AP3D1: variants seen among roughly 807,000 people sequenced by gnomAD.
AP3D1 encodes AP-3 complex subunit delta-1.
AP3D1 carries 51 observed loss-of-function variants against 147.6 expected under a neutral mutation model. The ratio of observed to expected loss-of-function variants is 0.35; its 90% CI spans 0.28 to 0.44. The LOEUF is 0.44. Among genes scored for constraint, AP3D1 ranks in the 20% least tolerant of loss-of-function variants. AP3D1 has a pLI of 1.00. For synonymous variants in AP3D1, 760 were observed against 663.0 expected (o/e 1.15, Z -2.25); for missense variants, 1,421 against 1,624.2 (o/e 0.87, Z 2.15).
In AP3D1 at chr19:2,111,068, G is replaced by A. The variant is rs979386577; in HGVS notation, c.2986-172C>T. ...AGCGCCTCCTATGGCTGCTCTTTGA[G>A]TGCATGGCGGGGACCCTCCTGCCAG... On this transcript the variant is annotated intron_variant, in intron 26 of 31. Coordinates refer to ENST00000643116, the MANE Select transcript of AP3D1 (RefSeq NM_001261826.3). 8 of 909,806 alleles carry A rather than the reference G, an allele frequency of 8.8e-6. No homozygotes were observed. The African/African-American group carries it at 1.2e-4, about 13-fold the overall frequency. The allele number at this position is 909,806 out of a possible 1,614,324, so 56.4% of individuals were successfully genotyped here. A position where few individuals can be genotyped will look rare whatever the true frequency, so the allele number is the denominator to read the frequency against.
rs2018392763 is a variant in AP3D1 at position 2,114,786 on chromosome 19, G to A, written c.2385C>T (p.Pro795=). The A allele has an allele frequency of 6.2e-7, 1 of 1,614,104 alleles. No individual in the cohort carries two copies. The highest frequency in any genetic ancestry group is 8.5e-7 in the Non-Finnish European group (1 of 1,179,972). Residue 795 remains proline, a synonymous_variant, in exon 21 of 32, where the codon CCC becomes CCT. Coordinates refer to ENST00000643116, the MANE Select transcript of AP3D1 (RefSeq NM_001261826.3). The part of the protein sequence containing the change: ...ALPSDEDDKD[P]NDPYRALDID... ...TATCCAGAGCCCTGTAGGGGTCGTT[G>A]GGGTCTTTGTCATCCTCGTCGCTGG...
At chr19:2,151,003 G>A (rs1187540612) in intron 1 of AP3D1, among the ~76,000 whole-genome samples, 1 of 152,264 alleles carries the variant, frequency 6.6e-6, no homozygotes, top group Non-Finnish European at 1.5e-5. Context: ...GATGAGGCGA[G>A]GATCCGAGAT....
intron 1 of AP3D1, among the ~76,000 whole-genome samples, chr19:2,163,489 G>T (rs1158202734): frequency 8.2e-6 from 1 of 121,606 alleles, no homozygotes. Flanking sequence ...ACCGCGCCTG[G>T]CCTTTTTTTT....
intron 2 of AP3D1, 31 bp downstream of exon 2, chr19:2,138,588 T>C (rs1253117332): frequency 1.3e-6 from 2 of 1,555,072 alleles, no homozygotes; most frequent in African/African-American, 1.4e-5. Flanking sequence ...AGCCCGACAG[T>C]GCTGGGCGCT....
chr19:2,159,764 T>C (rs2019680787), intron 1 of AP3D1, among the ~76,000 whole-genome samples: 1 of 150,758 alleles, frequency 6.6e-6, no homozygotes, highest in East Asian at 2.0e-4. Flanking sequence ...GCAGTGGCGC[T>C]ATCTTGGTTC....
chr19:2,152,584 T>TG (rs1023800292), upstream of AP3D1, among the ~76,000 whole-genome samples: 1 of 149,004 alleles, frequency 6.7e-6, no homozygotes, highest in African/African-American at 2.5e-5. Context: ...CAATAAAAAC[T>TG]GGGGTAAGAT....
intron 9 of AP3D1, among the ~76,000 whole-genome samples, chr19:2,124,943 C>T (rs945402283): frequency 1.1e-4 from 16 of 152,134 alleles, no homozygotes; most frequent in Admixed American, 1.0e-3. Flanking sequence ...CCGCGATCCC[C>T]CCCACCGCCC....
chr19:2,154,563 C>G (rs548527197), upstream of AP3D1, among the ~76,000 whole-genome samples: 1 of 152,218 alleles, frequency 6.6e-6, no homozygotes, highest in East Asian at 1.9e-4. Flanking sequence ...AGTCGTGAGC[C>G]ACCACGCCCC....
intron 9 of AP3D1, among the ~76,000 whole-genome samples, chr19:2,125,636 A>AT (rs1238420928): frequency 6.6e-6 from 1 of 152,136 alleles, no homozygotes; most frequent in Non-Finnish European, 1.5e-5. Context: ...TTATGTGAAT[A>AT]TAAAAGTAGA....
At chr19:2,104,212 T>C (rs551532755) in intron 31 of AP3D1, among the ~76,000 whole-genome samples, 9 of 101,038 alleles carry the variant, frequency 8.9e-5, no homozygotes, top group African/African-American at 3.7e-4. Flanking sequence ...ACACCAACAC[T>C]GAGACTCCAA....
chr19:2,116,840 T>C, intron 16 of AP3D1, 94 bp from the exon 17 acceptor site: 2 of 1,434,958 alleles, frequency 1.4e-6, no homozygotes, highest in East Asian at 2.5e-5. Context: ...TGCCTGGCCA[T>C]GTGATATCCC....
At chr19:2,153,057 TAAAA>T (rs34417814), upstream of AP3D1, among the ~76,000 whole-genome samples, 1 of 113,994 alleles carries the variant, frequency 8.8e-6, no homozygotes, top group Admixed American at 9.2e-5. Context: ...ACACCCATCT[TAAAA>T]AAAAAAAAAA....
At chr19:2,140,480 C>CTT (rs34572080) in intron 1 of AP3D1, among the ~76,000 whole-genome samples, 49 of 147,512 alleles carry the variant, frequency 3.3e-4, no homozygotes, top group East Asian at 8.0e-4. Context: ...ACTTGCTTGA[C>CTT]TTTTTTTTTT....
intron 1 of AP3D1, among the ~76,000 whole-genome samples, chr19:2,139,308 T>C (rs2019159840): frequency 6.6e-6 from 1 of 152,238 alleles, no homozygotes; most frequent in Middle Eastern, 3.4e-3. Flanking sequence ...TGCCAACTCC[T>C]TGGTGGACGA....
chr19:2,105,021 C>G (rs1252168364), intron 31 of AP3D1, among the ~76,000 whole-genome samples: 1 of 152,064 alleles, frequency 6.6e-6, no homozygotes, highest in Non-Finnish European at 1.5e-5. Context: ...CAACAGATCA[C>G]CAGGGCATCA....
chr19:2,127,198 C>T lies in AP3D1; in HGVS notation c.810G>A (p.Thr270=), dbSNP rs200136075. Residue 270 remains threonine, a synonymous_variant, in exon 9 of 32, where the codon ACG becomes ACA. Coordinates refer to ENST00000643116, the MANE Select transcript of AP3D1 (RefSeq NM_001261826.3). ...IEPLTNLIHS[T]SAMSLLYECV... is the part of the protein sequence containing the mutation. ...ATTCATAGAGGAGAGACATGGCAGA[C>T]GTGCTAAGGAAAGGAACACAGGGAA... The T allele has an allele frequency of 1.3e-3, 2,106 of 1,613,754 alleles. 7 individuals carry two copies. The highest frequency in any genetic ancestry group is 1.6e-3 in the Non-Finnish European group (1,848 of 1,179,976).
rs779356958 is a variant in AP3D1, at chr19:2,110,199, C to T, written c.3201G>A (p.Val1067=). ...PPGVSNEAQY[V]FTIQSIVMAQ... ...CCATGACGATGCTCTGGATGGTGAA[C>T]ACATACTGGGCTTCGTTGGAGACGC... The change falls in exon 28 of 32, where the codon GTG becomes GTA. Residue 1067 remains valine (V), a synonymous_variant. Transcript: ENST00000643116. 6.2e-7 allele frequency: 1 copy of T among 1,612,576 alleles called. No individual in the cohort carries two copies. The highest frequency in any genetic ancestry group is 1.1e-5 in the South Asian group (1 of 91,010).
intron 5 of AP3D1, 146 bp downstream of exon 5, chr19:2,132,325 A>T: frequency 1.5e-6 from 1 of 648,476 alleles, no homozygotes; most frequent in South Asian, 2.0e-5. Flanking sequence ...CCACCAGCTG[A>T]CAGTGATTTG....
At chr19:2,163,049 T>C (rs1044094920) in intron 1 of AP3D1, among the ~76,000 whole-genome samples, 2 of 151,902 alleles carry the variant, frequency 1.3e-5, no homozygotes, top group Non-Finnish European at 2.9e-5. Flanking sequence ...GAGAAACTTA[T>C]AGTTTAATTA....
Sources: gnomAD v4.1 joint callset for allele counts (sites outside exome capture counted in the v4.1 genomes callset) on GRCh38, gnomAD v4.1.1 for gene constraint, MANE v1.5 for transcripts, NCBI Gene and HGNC (gene_info 2026-07-23, HGNC 2026-07-21) for gene names.